EML6: variants seen among roughly 807,000 people sequenced by gnomAD.
EML6 encodes EMAP like 6.
Under a neutral mutation model 240.1 loss-of-function variants are expected in EML6, and 154 were observed. The ratio of observed to expected loss-of-function variants is 0.64; its 90% CI spans 0.56 to 0.73. The LOEUF (loss-of-function observed/expected upper bound fraction) is 0.73, where lower values mean the gene tolerates loss of function less well. Ranked by LOEUF, EML6 falls within the 30% of genes least tolerant of loss-of-function variation. The pLI is 0.00. For synonymous variants in EML6, 1,148 were observed against 899.0 expected (o/e 1.28, Z -4.95); for missense variants, 2,964 against 2,474.6 (o/e 1.20, Z -4.20).
intron 2 of EML6, among the ~76,000 whole-genome samples, chr2:54,808,712 T>G (rs1558567366): frequency 2.0e-5 from 3 of 152,208 alleles, no homozygotes; most frequent in Non-Finnish European, 4.4e-5. Context: ...ATGAGTGTTT[T>G]GTTGTTGTTG....
intron 2 of EML6, among the ~76,000 whole-genome samples, chr2:54,808,224 C>T (rs1044327128): frequency 3.9e-5 from 6 of 152,188 alleles, no homozygotes; most frequent in African/African-American, 9.6e-5. Context: ...AAGTGCTAAG[C>T]GCATCTCTTG....
At position 54,813,329 on chromosome 2, in the gene EML6, T is replaced by A; in HGVS notation, c.295T>A (p.Ser99Thr). The stretch of plus-strand genomic sequence containing the variant: ...GGATTCCTATAATGTCCAGACTGTG[T>A]CTCTTCTTAAAGATGTCCATACACA... ...IWDSYNVQTV[S>T]LLKDVHTHGV... Residue 99 changes from serine to threonine, a missense_variant, in exon 3 of 42, where the codon TCT becomes ACT. Physicochemically the swap from Ser to Thr is moderately conservative, Grantham distance 58 (BLOSUM62 1). Transcript: ENST00000356458. The A allele has an allele frequency of 6.4e-7, 1 of 1,551,616 alleles. No individual in the cohort carries two copies. The highest frequency in any genetic ancestry group is 8.7e-7 in the Non-Finnish European group (1 of 1,146,780).
chr2:54,921,820 G>A (rs1400761559), intron 26 of EML6, among the ~76,000 whole-genome samples: 2 of 152,050 alleles, frequency 1.3e-5, no homozygotes, highest in Non-Finnish European at 2.9e-5. Flanking sequence ...AAAATATACG[G>A]TAAGGAGAAG....
Position 54,970,231 on chromosome 2 carries a change from C to A in EML6, c.*136C>A. On this transcript the variant is annotated 3_prime_UTR_variant, in exon 42 of 42. Transcript: ENST00000356458. The stretch of plus-strand genomic sequence containing the variant: ...GCCCCGGATGCACAAGCTCAAAACG[C>A]TGCAGAAGTTACACAACTGCTCCCA... 1 of 832,526 alleles carries A rather than the reference C, an allele frequency of 1.2e-6. No homozygotes were observed. Among genetic ancestry groups the A allele is most frequent in the Non-Finnish European group, 2.0e-6 (1 of 503,966 alleles). The allele number at this position is 832,526 out of a possible 1,614,324, so 51.6% of individuals were successfully genotyped here.
intron 5 of EML6, among the ~76,000 whole-genome samples, chr2:54,822,284 T>C (rs1326367455): frequency 1.3e-5 from 2 of 152,164 alleles, no homozygotes; most frequent in East Asian, 1.9e-4. Context: ...ACCTTGCTGG[T>C]AGAGAGGGGT....
In EML6 at chr2:54,928,519, G is replaced by GC. The variant is rs771571884; in HGVS notation, c.3877+11dup. On this transcript the variant is annotated splice_donor_region_variant and intron_variant, in intron 27 of 41. Transcript: ENST00000356458. ...CCGACGTGGAAGAGGATGGAGGTGA[G>GC]CCCCCCACCTGCCACATGCCTCCTG... The GC allele has an allele frequency of 2.6e-5, 40 of 1,543,922 alleles. No homozygotes were observed. The African/African-American group carries it at 5.4e-4, about 21-fold the overall frequency.
At chr2:54,792,391 T>G (rs1669500426) in intron 2 of EML6, among the ~76,000 whole-genome samples, 1 of 152,240 alleles carries the variant, frequency 6.6e-6, no homozygotes. Flanking sequence ...ACTTGATAGC[T>G]AAGCTAACTT....
chr2:54,850,455 A>G (rs2103746325), intron 10 of EML6: 1 of 455,132 alleles, frequency 2.2e-6, no homozygotes, highest in South Asian at 3.6e-5. Flanking sequence ...GCTGCACAAC[A>G]AGGGAGATCG....
intron 4 of EML6, among the ~76,000 whole-genome samples, chr2:54,818,152 T>G (rs969184824): frequency 6.6e-6 from 1 of 152,188 alleles, no homozygotes; most frequent in African/African-American, 2.4e-5. Flanking sequence ...CTTATCACCT[T>G]GGAAAAAGTA....
Position 54,864,436 on chromosome 2 carries a change from A to G in EML6, c.1932+547A>G, listed in dbSNP as rs541616940. Reference sequence around the variant, plus strand: ...CTCTAGTAGGAAAGCTGATCAGCTGACTTCAGTTTTTTTGGAAGTTGACAT... The same window carrying G: ...CTCTAGTAGGAAAGCTGATCAGCTGGCTTCAGTTTTTTTGGAAGTTGACAT... On this transcript the variant is annotated intron_variant, in intron 13 of 41. Transcript: ENST00000356458. Among the ~76,000 whole-genome samples, 9 of 152,370 alleles carry G rather than the reference A, an allele frequency of 5.9e-5. 2 individuals carry two copies. The highest frequency in any genetic ancestry group is 2.2e-4 in the African/African-American group (9 of 41,596).
intron 2 of EML6, among the ~76,000 whole-genome samples, chr2:54,812,521 G>C (rs1667899991): frequency 1.8e-5 from 1 of 55,060 alleles, no homozygotes; most frequent in East Asian, 4.1e-4. Context: ...TAAAACATTA[G>C]GGTGATTTTT....
chr2:54,959,355 G>C (rs1676387560), intron 34 of EML6, 94 bp downstream of exon 34: 1 of 1,213,384 alleles, frequency 8.2e-7, no homozygotes. Context: ...AATGCAGACT[G>C]TCATCCTCCT....
chr2:54,836,399 G>T (rs6755767), intron 7 of EML6, among the ~76,000 whole-genome samples: 28,992 of 152,148 alleles, frequency 0.19, 2,758 homozygotes, highest in Admixed American at 0.22. Context: ...GGATCCTGCG[G>T]AGTGGGTTTT....
At chr2:54,899,233 T>C (rs1232008227) in intron 21 of EML6, among the ~76,000 whole-genome samples, 2 of 152,240 alleles carry the variant, frequency 1.3e-5, no homozygotes, top group Non-Finnish European at 2.9e-5. Context: ...ATGATTTAAC[T>C]GAAGGAAGTG....
chr2:54,785,904 T>G (rs1385681760), intron 2 of EML6, among the ~76,000 whole-genome samples: 2 of 151,932 alleles, frequency 1.3e-5, no homozygotes, highest in Non-Finnish European at 2.9e-5. Flanking sequence ...ATTTCAAGCT[T>G]GTGTCGTCTA....
intron 11 of EML6, among the ~76,000 whole-genome samples, chr2:54,854,280 A>G (rs1241349933): frequency 1.3e-5 from 2 of 152,232 alleles, no homozygotes; most frequent in Non-Finnish European, 2.9e-5. Flanking sequence ...TTGTGGTGAT[A>G]ATAGTTTATG....
chr2:54,811,685 G>A (rs961646326), intron 2 of EML6, among the ~76,000 whole-genome samples: 3 of 152,140 alleles, frequency 2.0e-5, no homozygotes, highest in South Asian at 2.1e-4. Flanking sequence ...TTATCAACAG[G>A]GTTTTCAAAC....
intron 16 of EML6, among the ~76,000 whole-genome samples, chr2:54,875,202 A>C (rs1671444172): frequency 6.6e-6 from 1 of 152,202 alleles, no homozygotes; most frequent in South Asian, 2.1e-4. Context: ...GCCCCAAGTG[A>C]AGAGAGATCC....
At chr2:54,751,631 T>G (rs1684168205) in intron 2 of EML6, among the ~76,000 whole-genome samples, 3 of 152,200 alleles carry the variant, frequency 2.0e-5, no homozygotes, top group Admixed American at 6.5e-5. Flanking sequence ...TTAGACAGAT[T>G]TTTAAAAATC....
Sources: gnomAD v4.1 joint callset for allele counts (sites outside exome capture counted in the v4.1 genomes callset) on GRCh38, gnomAD v4.1.1 for gene constraint, MANE v1.5 for transcripts, NCBI Gene and HGNC (gene_info 2026-07-23, HGNC 2026-07-21) for gene names.